NVL: variants seen among roughly 807,000 people sequenced by gnomAD.
NVL encodes the protein nuclear valosin-containing protein-like.
A neutral mutation model predicts 110.2 loss-of-function variants in NVL; 84 were observed. That is an observed-to-expected ratio of 0.76 (90% CI 0.64 to 0.91). NVL has a LOEUF of 0.91. NVL is among the 40% of genes least tolerant of loss of function. The probability of loss-of-function intolerance (pLI) is 0.00; values close to 1 mark genes in which losing one functional copy is unlikely to be tolerated. For missense variants in NVL, 882 were observed against 1,035.9 expected, an observed-to-expected ratio of 0.85 and a Z score of 2.04; for synonymous variants, 354 against 361.1, an observed-to-expected ratio of 0.98 and a Z score of 0.22.
At chr1:224,296,703 A>G (rs1321292217) in intron 10 of NVL, 85 bp from the exon 11 acceptor site, 2 of 821,538 alleles carry the variant, frequency 2.4e-6, no homozygotes, top group African/African-American at 3.4e-5. Context: ...TTTAAAAAAA[A>G]TCTTCAAGGT....
Position 224,231,302 on chromosome 1 carries a change from G to T in NVL, c.2456-6C>A. 1 of 1,608,552 alleles carries T rather than the reference G, an allele frequency of 6.2e-7. No individual in the cohort carries two copies. The highest frequency in any genetic ancestry group is 1.1e-5 in the South Asian group (1 of 90,984). ...ATGACTAACCTTGAGTTCACCTATG[G>T]AGTAAATGCACAAATATACACATCT... On this transcript the variant is annotated splice_region_variant and splice_polypyrimidine_tract_variant and intron_variant, in intron 21 of 22. Transcript: ENST00000281701.
chr1:224,273,045 A>AC (rs538292108), intron 17 of NVL, among the ~76,000 whole-genome samples: 2,745 of 142,780 alleles, frequency 0.019, 112 homozygotes, highest in Admixed American at 0.033. Context: ...AAAAAAAACA[A>AC]AAAAAACAAA....
At position 224,259,948 on chromosome 1, in the gene NVL, G is replaced by C. The variant is rs770009269; in HGVS notation, c.2182+8086C>G. Among the ~76,000 whole-genome samples the C allele has an allele frequency of 4.6e-4, 70 of 152,198 alleles. 1 individual carries two copies. Among genetic ancestry groups the C allele is most frequent in the African/African-American group, 1.6e-3 (65 of 41,512 alleles). On this transcript the variant is annotated intron_variant, in intron 18 of 22. Coordinates refer to ENST00000281701, the MANE Select transcript of NVL (RefSeq NM_002533.4). ...GCCTCCCAAAGCGCTGGGATTACAG[G>C]CATGAGCCATCGCATCCAGCCGTAA...
chr1:224,295,801 C>T (rs1046789465), intron 11 of NVL, among the ~76,000 whole-genome samples: 3 of 151,128 alleles, frequency 2.0e-5, no homozygotes, highest in Non-Finnish European at 4.4e-5. Context: ...AACATGGAAA[C>T]ACCCCGTCTC....
At chr1:224,238,665 A>G (rs1660806256) in intron 19 of NVL, among the ~76,000 whole-genome samples, 1 of 152,240 alleles carries the variant, frequency 6.6e-6, no homozygotes, top group Non-Finnish European at 1.5e-5. Flanking sequence ...TCTAAGTAAT[A>G]AAACTAAAGG....
In NVL at chr1:224,231,114, C is replaced by A. The variant is rs1000337086; in HGVS notation, c.2526+112G>T. 24 of 699,292 alleles carry A rather than the reference C, an allele frequency of 3.4e-5. No homozygotes were observed. In the African/African-American group the frequency reaches 4.3e-4, roughly 13 times the overall value. 43.3% of individuals were successfully genotyped at this position (699,292 alleles called of 1,614,324 possible). A position where few individuals can be genotyped will look rare whatever the true frequency, so the allele number is the denominator to read the frequency against. ...CACCACTGCACTCCAGCATGGACGA[C>A]AGAGCAAGACTCCGTCTCAAAAAAA... On this transcript the variant is annotated intron_variant, in intron 22 of 22. Transcript: ENST00000281701.
At chr1:224,302,650 T>A (rs1668531870) in intron 9 of NVL, among the ~76,000 whole-genome samples, 2 of 152,252 alleles carry the variant, frequency 1.3e-5, no homozygotes, top group South Asian at 4.1e-4. Context: ...AAAGAATTAT[T>A]TTAAAACTAA....
At chr1:224,243,877 G>T (rs954668565) in intron 19 of NVL, among the ~76,000 whole-genome samples, 3 of 151,444 alleles carry the variant, frequency 2.0e-5, no homozygotes, top group African/African-American at 7.3e-5. Flanking sequence ...GGCCAAGTAG[G>T]TCTCGAACTC....
chr1:224,282,121 A>G (rs1159344554), intron 15 of NVL, among the ~76,000 whole-genome samples: 1 of 148,302 alleles, frequency 6.7e-6, no homozygotes, highest in Non-Finnish European at 1.5e-5. Context: ...GCTGCAGTGC[A>G]GTGATGAGAT....
At chr1:224,238,164 G>T (rs1013021157) in intron 19 of NVL, among the ~76,000 whole-genome samples, 1 of 133,678 alleles carries the variant, frequency 7.5e-6, no homozygotes, top group African/African-American at 2.9e-5. Context: ...CTCTTGGGTA[G>T]CTGGGACTAT....
At chr1:224,317,614 A>G in intron 4 of NVL, 80 bp downstream of exon 4, 2 of 810,596 alleles carry the variant, frequency 2.5e-6, no homozygotes, top group East Asian at 4.9e-5. Context: ...GGCAATGAAG[A>G]GCCACTGAAA....
At chr1:224,247,968 T>C (rs1164437051) in intron 19 of NVL, among the ~76,000 whole-genome samples, 1 of 152,210 alleles carries the variant, frequency 6.6e-6, no homozygotes, top group Non-Finnish European at 1.5e-5. Flanking sequence ...TGAGAACTAC[T>C]AAACTAAAGC....
At chr1:224,236,650 C>T in intron 19 of NVL, 68 bp from the exon 20 acceptor site, 2 of 1,301,096 alleles carry the variant, frequency 1.5e-6, no homozygotes, top group Non-Finnish European at 2.2e-6. Flanking sequence ...ATGGCTCATG[C>T]TTGTAATCCC....
At chr1:224,235,933 G>GA (rs35435356) in intron 20 of NVL, among the ~76,000 whole-genome samples, 106,763 of 142,258 alleles carry the variant, frequency 0.75, 41,104 homozygotes, top group South Asian at 0.85. Flanking sequence ...ACCCTGTATG[G>GA]AAAAAAAAAA....
intron 17 of NVL, chr1:224,269,595 G>T (rs73128465): frequency 1.3e-5 from 2 of 152,144 alleles, no homozygotes; most frequent in African/African-American, 4.8e-5. Flanking sequence ...AATTCAGGGA[G>T]GGGGATAAAT....
intron 19 of NVL, among the ~76,000 whole-genome samples, chr1:224,241,015 T>C (rs1026967213): frequency 2.0e-5 from 3 of 152,030 alleles, no homozygotes; most frequent in Admixed American, 6.6e-5. Context: ...GGTCTCAAAC[T>C]CCTGACCTGG....
At chr1:224,298,813 C>T (rs969367360) in intron 10 of NVL, among the ~76,000 whole-genome samples, 5 of 152,078 alleles carry the variant, frequency 3.3e-5, no homozygotes, top group Non-Finnish European at 7.4e-5. Context: ...GGTTAGAAAA[C>T]AGCCAGGTAT....
At chr1:224,325,287 G>A (rs1671036234) in intron 2 of NVL, among the ~76,000 whole-genome samples, 1 of 151,288 alleles carries the variant, frequency 6.6e-6, no homozygotes, top group African/African-American at 2.4e-5. Flanking sequence ...GACTCAGGAA[G>A]CTGGCTGGGC....
At chr1:224,303,936 G>C in intron 8 of NVL, 79 bp from the exon 9 acceptor site, 5 of 1,451,714 alleles carry the variant, frequency 3.4e-6, no homozygotes, top group Non-Finnish European at 3.7e-6. Flanking sequence ...TTTCGGAGCA[G>C]TGAAATGGAG....
Sources: gnomAD v4.1 joint callset for allele counts (sites outside exome capture counted in the v4.1 genomes callset) on GRCh38, gnomAD v4.1.1 for gene constraint, MANE v1.5 for transcripts, NCBI Gene and HGNC (gene_info 2026-07-23, HGNC 2026-07-21) for gene names.